NRXN1: variants seen among roughly 807,000 people sequenced by gnomAD.
The protein encoded by NRXN1 is neurexin-1.
NRXN1 carries 39 observed loss-of-function variants against 150.9 expected under a neutral mutation model. That is an observed-to-expected ratio of 0.26 (90% CI 0.20 to 0.34). NRXN1 has a LOEUF of 0.34. Among genes scored for constraint, NRXN1 ranks in the 10% least tolerant of loss-of-function variants. The pLI, the probability that NRXN1 is intolerant of heterozygous loss-of-function variation, is 1.00. For synonymous variants in NRXN1, 924 were observed against 757.0 expected (o/e 1.22, Z -3.62); for missense variants, 1,815 against 1,949.9 (o/e 0.93, Z 1.30).
intron 18 of NRXN1, among the ~76,000 whole-genome samples, chr2:50,197,945 G>C (rs1289191038): frequency 6.6e-6 from 1 of 152,104 alleles, no homozygotes; most frequent in African/African-American, 2.4e-5. Context: ...AACAGAAAAA[G>C]AAATTCCAGT....
At chr2:50,117,604 A>C (rs975402703) in intron 18 of NRXN1, among the ~76,000 whole-genome samples, 4 of 152,288 alleles carry the variant, frequency 2.6e-5, no homozygotes, top group African/African-American at 7.2e-5. Flanking sequence ...AAATGAATAC[A>C]CCTTCTAGCA....
At chr2:50,413,626 T>C (rs1428875702) in intron 17 of NRXN1, among the ~76,000 whole-genome samples, 3 of 151,930 alleles carry the variant, frequency 2.0e-5, no homozygotes, top group East Asian at 1.9e-4. Flanking sequence ...AGTTTGGAGG[T>C]TCCTCAAAAA....
intron 21 of NRXN1, among the ~76,000 whole-genome samples, chr2:49,968,780 T>C (rs1299819854): frequency 6.6e-6 from 1 of 152,072 alleles, no homozygotes; most frequent in Admixed American, 6.6e-5. Flanking sequence ...GACAAGACAA[T>C]GAGCAAATAT....
At chr2:50,783,408 TTTC>T (rs1704620273) in intron 5 of NRXN1, among the ~76,000 whole-genome samples, 1 of 152,128 alleles carries the variant, frequency 6.6e-6, no homozygotes, top group South Asian at 2.1e-4. Context: ...ATATTTGGCT[TTTC>T]TTAAGCTCTC....
chr2:50,368,844 G>A (rs1436499730), intron 17 of NRXN1, among the ~76,000 whole-genome samples: 2 of 151,984 alleles, frequency 1.3e-5, no homozygotes, highest in Non-Finnish European at 1.5e-5. Context: ...ACGAGTGGGG[G>A]TTTGGAACTA....
intron 5 of NRXN1, among the ~76,000 whole-genome samples, chr2:50,748,039 T>C (rs1189642643): frequency 6.6e-6 from 1 of 152,142 alleles, no homozygotes; most frequent in African/African-American, 2.4e-5. Context: ...AATGATAATC[T>C]CACAAGCATC....
intron 2 of NRXN1, among the ~76,000 whole-genome samples, chr2:50,993,494 T>G (rs1046848837): frequency 6.6e-6 from 1 of 151,956 alleles, no homozygotes; most frequent in African/African-American, 2.4e-5. Flanking sequence ...GCCTGACACT[T>G]GGTTGCAATC....
At chr2:50,818,930 G>A (rs67366248) in intron 5 of NRXN1, among the ~76,000 whole-genome samples, 2 of 151,928 alleles carry the variant, frequency 1.3e-5, no homozygotes, top group Non-Finnish European at 2.9e-5. Flanking sequence ...CAGTAATCAA[G>A]CAAGGAAATG....
At chr2:49,997,434 G>A (rs1410371851) in intron 21 of NRXN1, among the ~76,000 whole-genome samples, 2 of 152,070 alleles carry the variant, frequency 1.3e-5, no homozygotes, top group Non-Finnish European at 1.5e-5. Flanking sequence ...TATAGGCAAG[G>A]CATAAGGCAA....
rs539424171 is a variant in NRXN1 at position 50,982,703 on chromosome 2, G to A, written c.772+44799C>T. On this transcript the variant is annotated intron_variant, in intron 2 of 22. Coordinates refer to ENST00000401669, the MANE Select transcript of NRXN1 (RefSeq NM_001330078.2). Reference sequence around the variant, plus strand: ...TAAAAAGCTTGCTGTTGACTACAAAGATGTTGAAAATATAAAAATATAAAA... The same window carrying A: ...TAAAAAGCTTGCTGTTGACTACAAAAATGTTGAAAATATAAAAATATAAAA... 7.9e-5 allele frequency among the ~76,000 whole-genome samples: 12 copies of A among 152,114 alleles called. No homozygotes were observed. The South Asian group carries it at 1.5e-3, about 18-fold the overall frequency.
chr2:50,070,834 A>G (rs1054625813), intron 19 of NRXN1, among the ~76,000 whole-genome samples: 3 of 152,080 alleles, frequency 2.0e-5, no homozygotes, highest in African/African-American at 7.2e-5. Flanking sequence ...GAGATCACCA[A>G]TTAAAACCCA....
At chr2:50,179,282 A>G (rs1290601976) in intron 18 of NRXN1, among the ~76,000 whole-genome samples, 1 of 152,132 alleles carries the variant, frequency 6.6e-6, no homozygotes, top group East Asian at 1.9e-4. Flanking sequence ...ACATCAGCAT[A>G]TTAGCCACAG....
intron 18 of NRXN1, among the ~76,000 whole-genome samples, chr2:50,098,830 G>GTTTTTTTTTTTTTTTTTGTTT (rs1700591146): frequency 9.5e-6 from 1 of 105,542 alleles, no homozygotes; most frequent in Non-Finnish European, 1.9e-5. Context: ...TTTGGTTTTA[G>GTTTTTTTTTTTTTTTTTGTTT]TTTTTTTTTT....
At chr2:50,333,592 A>G (rs1031582693) in intron 17 of NRXN1, among the ~76,000 whole-genome samples, 5 of 152,060 alleles carry the variant, frequency 3.3e-5, no homozygotes, top group Non-Finnish European at 5.9e-5. Context: ...GATGGTTCCC[A>G]TCTTTCCTGT....
intron 17 of NRXN1, among the ~76,000 whole-genome samples, chr2:50,371,401 A>G (rs1490119611): frequency 6.6e-6 from 1 of 152,070 alleles, no homozygotes; most frequent in Non-Finnish European, 1.5e-5. Flanking sequence ...CCATTTGATT[A>G]TCCTGAGAAT....
At chr2:50,606,188 G>A (rs978249716) in intron 8 of NRXN1, among the ~76,000 whole-genome samples, 17 of 147,914 alleles carry the variant, frequency 1.1e-4, no homozygotes, top group African/African-American at 4.3e-4. Context: ...GGTGGAGGGT[G>A]CAGTGAGCTA....
At chr2:50,701,540 C>A (rs1559142866) in intron 5 of NRXN1, among the ~76,000 whole-genome samples, 3 of 152,138 alleles carry the variant, frequency 2.0e-5, no homozygotes, top group Admixed American at 1.3e-4. Flanking sequence ...TATTCTATTT[C>A]TATCATACCT....
intron 5 of NRXN1, among the ~76,000 whole-genome samples, chr2:50,701,713 T>C (rs951576004): frequency 6.6e-6 from 1 of 152,188 alleles, no homozygotes; most frequent in Non-Finnish European, 1.5e-5. Flanking sequence ...TCCTCTTCAA[T>C]GCTTGGATAC....
chr2:50,371,113 G>T (rs1436456263), intron 17 of NRXN1, among the ~76,000 whole-genome samples: 1 of 151,940 alleles, frequency 6.6e-6, no homozygotes, highest in Non-Finnish European at 1.5e-5. Context: ...GATCTTTGTC[G>T]ATTGAGGGCA....
Sources: allele counts gnomAD v4.1 joint callset (sites outside exome capture counted in the v4.1 genomes callset), GRCh38; gene constraint gnomAD v4.1.1; transcripts MANE v1.5; gene names NCBI Gene and HGNC (gene_info 2026-07-23, HGNC 2026-07-21).